Variants in RIMKLB observed in about 807,000 individuals in gnomAD.
RIMKLB encodes the protein beta-citrylglutamate synthase B.
A neutral mutation model predicts 32.0 loss-of-function variants in RIMKLB; 7 were observed. The observed-to-expected ratio is 0.22, with a 90% CI of 0.12 to 0.41. RIMKLB has a LOEUF of 0.41. Ranked by LOEUF, RIMKLB falls within the 10% of genes least tolerant of loss-of-function variation. The pLI is 1.00. For missense variants in RIMKLB, 289 were observed against 498.7 expected, an observed-to-expected ratio of 0.58 and a Z score of 4.00; for synonymous variants, 172 against 185.1, an observed-to-expected ratio of 0.93 and a Z score of 0.57.
intron 5 of RIMKLB, among the ~76,000 whole-genome samples, chr12:8,772,514 C>G (rs1950494834): frequency 6.6e-6 from 1 of 152,188 alleles, no homozygotes; most frequent in South Asian, 2.1e-4. Flanking sequence ...TCATTTAATT[C>G]ACGGGCCAGT....
chr12:8,774,579 T>G lies in RIMKLB; in HGVS notation c.*795T>G, dbSNP rs1184553632. The G allele has an allele frequency of 1.0e-6, 1 of 984,864 alleles. No homozygotes were observed. The highest frequency in any genetic ancestry group is 1.7e-5 in the African/African-American group (1 of 57,210). 61.0% of individuals were successfully genotyped at this position (984,864 alleles called of 1,614,324 possible). On this transcript the variant is annotated 3_prime_UTR_variant, in exon 6 of 6. Coordinates refer to ENST00000535829, the MANE Select transcript of RIMKLB (RefSeq NM_001297776.2). ...TGTGCTCTGTTAATGTTGCTTTTTT[T>G]TTTTTTTTTAATACATGCTAGTCTA...
intron 5 of RIMKLB, among the ~76,000 whole-genome samples, chr12:8,759,941 T>C (rs2137965516): frequency 6.6e-6 from 1 of 152,352 alleles, no homozygotes; most frequent in African/African-American, 2.4e-5. Flanking sequence ...TTGGCATCTT[T>C]ATTTTTTATT....
chr12:8,680,681 G>A (rs1370269529), upstream of RIMKLB, among the ~76,000 whole-genome samples: 1 of 152,102 alleles, frequency 6.6e-6, no homozygotes, highest in African/African-American at 2.4e-5. Context: ...CTGTAACACC[G>A]CTATACTGTC....
At chr12:8,781,399 GATAAC>G (rs1951025560), downstream of RIMKLB, among the ~76,000 whole-genome samples, 1 of 152,136 alleles carries the variant, frequency 6.6e-6, no homozygotes, top group African/African-American at 2.4e-5. Flanking sequence ...AGCTTTGGGA[GATAAC>G]AAAGAGTATA....
At chr12:8,673,431 G>C in the RIMKLB span, among the ~76,000 whole-genome samples, 3 of 152,028 alleles carry the variant, frequency 2.0e-5, no homozygotes, top group Non-Finnish European at 2.9e-5. Flanking sequence ...TCTTGATTTT[G>C]TGTGTTGATC....
intron 2 of RIMKLB, among the ~76,000 whole-genome samples, chr12:8,731,944 C>G (rs1946586556): frequency 6.6e-6 from 1 of 151,982 alleles, no homozygotes; most frequent in South Asian, 2.1e-4. Context: ...GTTTTTCTTA[C>G]TTTTTTCATG....
the RIMKLB span, among the ~76,000 whole-genome samples, chr12:8,671,566 TTGCACAGTC>T: frequency 6.6e-6 from 1 of 152,026 alleles, no homozygotes; most frequent in Non-Finnish European, 1.5e-5. Flanking sequence ...TTCTTTTCTA[TTGCACAGTC>T]AGGTTGCAAA....
chr12:8,750,344 C>T (rs1344342441), intron 3 of RIMKLB, among the ~76,000 whole-genome samples: 1 of 152,038 alleles, frequency 6.6e-6, no homozygotes. Flanking sequence ...TCTGGTAACC[C>T]TCCGTAATGC....
In RIMKLB at chr12:8,729,069, C is replaced by T. The variant is rs371246714; in HGVS notation, c.175+15028C>T. On this transcript the variant is annotated intron_variant, in intron 2 of 5. Coordinates refer to ENST00000535829, the MANE Select transcript of RIMKLB (RefSeq NM_001297776.2). Reference sequence around the variant, plus strand: ...CTGGCAAGAGCAAACTTCATACTGGCGCCGCCACAGTGTGTAGGGGAGGGT... The same window carrying T: ...CTGGCAAGAGCAAACTTCATACTGGTGCCGCCACAGTGTGTAGGGGAGGGT... 4.3e-4 allele frequency among the ~76,000 whole-genome samples: 65 copies of T among 152,138 alleles called. No individual in the cohort carries two copies. In the East Asian group the frequency reaches 5.8e-3, roughly 14 times the overall value.
In RIMKLB at chr12:8,717,305, T is replaced by C. The variant is rs138037329; in HGVS notation, c.175+3264T>C. On this transcript the variant is annotated intron_variant, in intron 2 of 5. Transcript: ENST00000535829. ...GATGAATTTTACAATATGTGAATTA[T>C]ATCTCAAAGCCGTTTAAAAAATGTT... Among the ~76,000 whole-genome samples the C allele has an allele frequency of 1.9e-3, 297 of 152,336 alleles. 1 individual carries two copies. Among genetic ancestry groups the C allele is most frequent in the African/African-American group, 6.9e-3 (285 of 41,578 alleles).
chr12:8,707,646 C>G (rs1020962325), intron 1 of RIMKLB, among the ~76,000 whole-genome samples: 4 of 152,198 alleles, frequency 2.6e-5, no homozygotes, highest in African/African-American at 9.6e-5. Context: ...TTCCAACCCT[C>G]TAATCATGCC....
At chr12:8,728,245 G>C (rs911966278) in intron 2 of RIMKLB, among the ~76,000 whole-genome samples, 1 of 152,148 alleles carries the variant, frequency 6.6e-6, no homozygotes, top group African/African-American at 2.4e-5. Context: ...TTTAGTTTTT[G>C]ACTCTGGTTT....
At chr12:8,679,691 T>C (rs1323280853), upstream of RIMKLB, 2 of 152,256 alleles carry the variant, frequency 1.3e-5, no homozygotes, top group South Asian at 2.1e-4. Context: ...TTATCTACTA[T>C]GTATTCTCTT....
At chr12:8,673,463 T>A in the RIMKLB span, among the ~76,000 whole-genome samples, 2 of 152,068 alleles carry the variant, frequency 1.3e-5, no homozygotes, top group South Asian at 4.1e-4. Flanking sequence ...CTGCTTTACA[T>A]AGTGTTAGCT....
rs773421421 is a variant in RIMKLB, at chr12:8,714,025, C to T, written c.159C>T (p.Ile53=). The T allele has an allele frequency of 1.7e-5, 28 of 1,613,938 alleles. No individual in the cohort carries two copies. The highest frequency in any genetic ancestry group is 3.3e-5 in the Admixed American group (2 of 59,974). ...AVVMDEVVLT[I]EQGNLGLRIN... ...TGATGGATGAGGTGGTGCTGACAAT[C>T]GAGCAAGGAAACCTGGGTAAGTCTG... The change falls in exon 2 of 6, where the codon ATC becomes ATT. Residue 53 remains isoleucine, a synonymous_variant. Transcript: ENST00000535829.
At position 8,731,624 on chromosome 12, in the gene RIMKLB, A is replaced by G. The variant is rs547180264; in HGVS notation, c.175+17583A>G. On this transcript the variant is annotated intron_variant, in intron 2 of 5. Transcript: ENST00000535829. ...TTTATTTGCTTTATTCTTCAATGAT[A>G]GTTTCGTTGGGTTTTAAATTGTGGA... 1.1e-3 allele frequency among the ~76,000 whole-genome samples: 168 copies of G among 152,112 alleles called. 1 individual carries two copies. The highest frequency in any genetic ancestry group is 1.8e-3 in the Admixed American group (27 of 15,290).
chr12:8,725,848 T>C (rs1343203151), intron 2 of RIMKLB, among the ~76,000 whole-genome samples: 1 of 152,188 alleles, frequency 6.6e-6, no homozygotes, highest in Admixed American at 6.5e-5. Flanking sequence ...TGTACTGTTT[T>C]TGGTTCGTTT....
chr12:8,755,775 G>A (rs1489419930), intron 5 of RIMKLB, among the ~76,000 whole-genome samples: 1 of 152,186 alleles, frequency 6.6e-6, no homozygotes, highest in Non-Finnish European at 1.5e-5. Flanking sequence ...TGGGGAGGCT[G>A]AGGCAGGAAG....
intron 1 of RIMKLB, among the ~76,000 whole-genome samples, chr12:8,705,583 G>A (rs1013294456): frequency 2.0e-5 from 3 of 152,088 alleles, no homozygotes; most frequent in African/African-American, 7.2e-5. Context: ...TTGATGCCCA[G>A]TTGTCTGAAT....
Sources: allele counts gnomAD v4.1 joint callset (sites outside exome capture counted in the v4.1 genomes callset), GRCh38; gene constraint gnomAD v4.1.1; transcripts MANE v1.5; gene names NCBI Gene and HGNC (gene_info 2026-07-23, HGNC 2026-07-21).